Variants in FBP1 observed in about 807,000 individuals in gnomAD.
The protein encoded by FBP1 is fructose-bisphosphatase 1, also known as fructose-1,6-bisphosphatase 1.
In FBP1, 22 loss-of-function variants were observed where a neutral mutation model predicts 29.9. That is an observed-to-expected ratio of 0.74 (90% CI 0.53 to 1.05). FBP1 has a LOEUF of 1.05. FBP1 is among the 50% of genes least tolerant of loss of function. The pLI, the probability that FBP1 is intolerant of heterozygous loss-of-function variation, is 0.00. For synonymous variants in FBP1, 175 were observed against 178.6 expected (o/e 0.98, Z 0.16); for missense variants, 345 against 448.2 (o/e 0.77, Z 2.08).
At chr9:94,627,221 G>A (rs1053620769) in intron 1 of FBP1, among the ~76,000 whole-genome samples, 1 of 151,024 alleles carries the variant, frequency 6.6e-6, no homozygotes, top group African/African-American at 2.4e-5. Flanking sequence ...CGGGCGTGGT[G>A]GCGGGCGCCT....
At chr9:94,637,543 C>T (rs925788264) in intron 1 of FBP1, among the ~76,000 whole-genome samples, 11 of 151,764 alleles carry the variant, frequency 7.2e-5, no homozygotes, top group Non-Finnish European at 1.5e-4. Flanking sequence ...GGATTACAGG[C>T]GCCTGCCACC....
chr9:94,621,984 G>A (rs537141751), intron 1 of FBP1, among the ~76,000 whole-genome samples: 16 of 152,218 alleles, frequency 1.1e-4, no homozygotes, highest in African/African-American at 3.6e-4. Flanking sequence ...GAAGTGAGAC[G>A]CTGCCTATGA....
At chr9:94,637,110 T>A (rs1189658893) in intron 1 of FBP1, among the ~76,000 whole-genome samples, 1 of 152,216 alleles carries the variant, frequency 6.6e-6, no homozygotes, top group Non-Finnish European at 1.5e-5. Flanking sequence ...AAAATAAGAA[T>A]CCTTAGGAAT....
chr9:94,607,256 C>T lies in FBP1; in HGVS notation c.568-304G>A, dbSNP rs941641695. On this transcript the variant is annotated intron_variant, in intron 4 of 6. Transcript: ENST00000375326. ...TAGGGAGAGCAGACTTGTGAAACAA[C>T]TGCTAAGCCTGCAAGAGAGTAAGAA... 2.6e-5 allele frequency among the ~76,000 whole-genome samples: 4 copies of T among 152,184 alleles called. No individual in the cohort carries two copies. In the East Asian group the frequency reaches 5.8e-4, roughly 22 times the overall value.
At chr9:94,615,889 G>A (rs573474382) in intron 3 of FBP1, among the ~76,000 whole-genome samples, 8 of 150,108 alleles carry the variant, frequency 5.3e-5, no homozygotes, top group Non-Finnish European at 1.0e-4. Context: ...GTCCAGTAGC[G>A]CGATCTTGGC....
intron 1 of FBP1, among the ~76,000 whole-genome samples, chr9:94,623,956 G>A (rs7034833): frequency 0.043 from 6,496 of 152,288 alleles, 479 homozygotes; most frequent in African/African-American, 0.15. Flanking sequence ...AGGGAGATGA[G>A]AGGCTAGATG....
chr9:94,635,211 G>A (rs59327242), intron 1 of FBP1, among the ~76,000 whole-genome samples: 14,827 of 152,166 alleles, frequency 0.097, 903 homozygotes, highest in East Asian at 0.24. Context: ...CCTCCAATCC[G>A]GGGTTCCTGA....
chr9:94,622,264 G>A (rs147181183), intron 1 of FBP1, among the ~76,000 whole-genome samples: 35 of 152,376 alleles, frequency 2.3e-4, no homozygotes, highest in Middle Eastern at 3.4e-3. Context: ...GGAGGGAGAC[G>A]TCTCACAGGA....
chr9:94,627,188 C>CAA (rs764985242), intron 1 of FBP1, among the ~76,000 whole-genome samples: 10 of 112,736 alleles, frequency 8.9e-5, no homozygotes, highest in African/African-American at 2.9e-4. Flanking sequence ...AACTCCATCT[C>CAA]AAAAAAAAAA....
intron 1 of FBP1, among the ~76,000 whole-genome samples, chr9:94,620,951 C>T (rs541794856): frequency 1.3e-5 from 2 of 152,286 alleles, no homozygotes; most frequent in South Asian, 2.1e-4. Flanking sequence ...TGGTGGCTCA[C>T]GCCTGTAATC....
chr9:94,607,224 A>G (rs1222375012), intron 4 of FBP1, among the ~76,000 whole-genome samples: 1 of 152,214 alleles, frequency 6.6e-6, no homozygotes, highest in East Asian at 1.9e-4. Flanking sequence ...AAGAAACCAC[A>G]CAAAAATAGG....
intron 1 of FBP1, among the ~76,000 whole-genome samples, chr9:94,634,293 CAAA>C (rs1480502775): frequency 3.3e-5 from 3 of 89,858 alleles, no homozygotes. Flanking sequence ...GACTCTGCCT[CAAA>C]AAAAAAAAAA....
At chr9:94,608,222 C>T (rs1330199372) in intron 4 of FBP1, among the ~76,000 whole-genome samples, 1 of 152,178 alleles carries the variant, frequency 6.6e-6, no homozygotes, top group Non-Finnish European at 1.5e-5. Context: ...AACCGTCAGC[C>T]TGGCTTTGCA....
At chr9:94,608,814 G>T (rs750068388) in intron 4 of FBP1, among the ~76,000 whole-genome samples, 1 of 152,090 alleles carries the variant, frequency 6.6e-6, no homozygotes, top group Non-Finnish European at 1.5e-5. Context: ...CGCACAGAAG[G>T]TTCCTGTTCC....
chr9:94,627,557 G>A (rs1277580388), intron 1 of FBP1, among the ~76,000 whole-genome samples: 1 of 152,168 alleles, frequency 6.6e-6, no homozygotes, highest in African/African-American at 2.4e-5. Flanking sequence ...AGCGAATGCA[G>A]CGGCTGCCAT....
chr9:94,615,830 CTTTT>C (rs5741695), intron 3 of FBP1, among the ~76,000 whole-genome samples: 1 of 140,504 alleles, frequency 7.1e-6, no homozygotes, highest in Non-Finnish European at 1.5e-5. Flanking sequence ...GGTCTCAGTT[CTTTT>C]TTTTTTTTTT....
chr9:94,603,760 C>T, intron 6 of FBP1, 188 bp from the exon 7 acceptor site: 1 of 652,096 alleles, frequency 1.5e-6, no homozygotes, highest in Non-Finnish European at 2.8e-6. Context: ...AACAGTTAAC[C>T]ATTTGGTTAA....
chr9:94,603,919 C>CTG, intron 6 of FBP1: 2 of 361,846 alleles, frequency 5.5e-6, no homozygotes, highest in Non-Finnish European at 1.1e-5. Flanking sequence ...ATGAGTGATT[C>CTG]TGTGTGTGTT....
intron 1 of FBP1, among the ~76,000 whole-genome samples, chr9:94,627,479 C>T (rs1461300917): frequency 2.6e-5 from 4 of 152,192 alleles, no homozygotes; most frequent in South Asian, 2.1e-4. Context: ...CTAGAGAGGG[C>T]GGGCTCAGCA....
Sources: gnomAD v4.1 joint callset for allele counts (sites outside exome capture counted in the v4.1 genomes callset) on GRCh38, gnomAD v4.1.1 for gene constraint, MANE v1.5 for transcripts, NCBI Gene and HGNC (gene_info 2026-07-23, HGNC 2026-07-21) for gene names.